Variants in SV2C observed in about 807,000 individuals in gnomAD.
The protein encoded by SV2C is solute carrier family 22 member B3.
SV2C carries 49 observed loss-of-function variants against 79.7 expected under a neutral mutation model. The ratio of observed to expected loss-of-function variants is 0.61; its 90% CI spans 0.49 to 0.78. SV2C has a LOEUF of 0.78. SV2C is among the 30% of genes least tolerant of loss of function. The probability of loss-of-function intolerance (pLI) is 0.00; values close to 1 mark genes in which losing one functional copy is unlikely to be tolerated. For missense variants in SV2C, 833 were observed against 912.9 expected, an observed-to-expected ratio of 0.91 and a Z score of 1.13; for synonymous variants, 334 against 333.2, an observed-to-expected ratio of 1.00 and a Z score of -0.03.
At chr5:75,895,664 C>G in the SV2C span, among the ~76,000 whole-genome samples, 1 of 151,982 alleles carries the variant, frequency 6.6e-6, no homozygotes, top group African/African-American at 2.4e-5. Context: ...ATTCATGGGC[C>G]TGGGCTGTGT....
At chr5:76,100,319 T>C (rs1340841630) in intron 1 of SV2C, among the ~76,000 whole-genome samples, 1 of 152,218 alleles carries the variant, frequency 6.6e-6, no homozygotes, top group Non-Finnish European at 1.5e-5. Flanking sequence ...AATTAAATTA[T>C]ACATTTAATT....
the SV2C span, among the ~76,000 whole-genome samples, chr5:75,873,705 CAACTAGAAATGATGAAGTA>C: frequency 6.6e-6 from 1 of 151,880 alleles, no homozygotes; most frequent in East Asian, 1.9e-4. Flanking sequence ...TGTTTTTGTG[CAACTAGAAATGATGAAGTA>C]AATGTTACCA....
At chr5:75,858,982 T>C in the SV2C span, among the ~76,000 whole-genome samples, 1 of 152,030 alleles carries the variant, frequency 6.6e-6, no homozygotes, top group African/African-American at 2.4e-5. Flanking sequence ...TTTTCTCTCT[T>C]TTTTTTTCAG....
rs117753003 is a variant in SV2C, at chr5:76,118,416, A to T, written c.-101-13234A>T. 1.7e-3 allele frequency among the ~76,000 whole-genome samples: 258 copies of T among 152,312 alleles called. 7 individuals carry two copies. The East Asian group carries it at 0.048, about 28-fold the overall frequency. On this transcript the variant is annotated intron_variant, in intron 1 of 12. Coordinates refer to ENST00000502798, the MANE Select transcript of SV2C (RefSeq NM_014979.4). Reference sequence around the variant, plus strand: ...GTCACATTCACAGGTTCTGGAGGTTAGGGTATCCTTCTGGAGGTCACTGTT... The same window carrying T: ...GTCACATTCACAGGTTCTGGAGGTTTGGGTATCCTTCTGGAGGTCACTGTT...
At chr5:76,213,270 T>C (rs1442439250) in intron 4 of SV2C, among the ~76,000 whole-genome samples, 5 of 152,268 alleles carry the variant, frequency 3.3e-5, no homozygotes, top group African/African-American at 1.2e-4. Flanking sequence ...ATTGTTGTAC[T>C]CTTGCAATTT....
In SV2C at chr5:76,298,810, T is replaced by C; in HGVS notation, c.1519T>C (p.Phe507Leu). 6.2e-7 allele frequency: 1 copy of C among 1,613,896 alleles called. No individual in the cohort carries two copies. Among genetic ancestry groups the C allele is most frequent in the Non-Finnish European group, 8.5e-7 (1 of 1,179,814 alleles). Residue 507 changes from phenylalanine to leucine, a missense_variant, in exon 10 of 13, where the codon TTC (phenylalanine) becomes CTC (leucine). Physicochemically the swap from Phe to Leu is conservative, Grantham distance 22. Coordinates refer to ENST00000502798, the MANE Select transcript of SV2C (RefSeq NM_014979.4). ...YDNGRFIGVK[F>L]KSVTFKDSVF... ...GTTGGGCAGATTCATAGGGGTCAAGTTCAAATCTGTAACTTTCAAAGACTC... is the reference window on the plus strand; with the variant it reads ...GTTGGGCAGATTCATAGGGGTCAAGCTCAAATCTGTAACTTTCAAAGACTC...
At chr5:76,350,033 T>A (rs1303367664) in intron 12 of SV2C, among the ~76,000 whole-genome samples, 1 of 152,336 alleles carries the variant, frequency 6.6e-6, no homozygotes, top group East Asian at 1.9e-4. Flanking sequence ...GATGTTCAGA[T>A]GCTAGGTTCT....
At chr5:75,970,484 A>G in the SV2C span, among the ~76,000 whole-genome samples, 1 of 152,080 alleles carries the variant, frequency 6.6e-6, no homozygotes, top group African/African-American at 2.4e-5. Context: ...AAAAATGACA[A>G]AGGGGATATC....
the SV2C span, among the ~76,000 whole-genome samples, chr5:76,030,266 GTTTTTTTTTT>G: frequency 3.1e-5 from 1 of 31,958 alleles, no homozygotes; most frequent in Non-Finnish European, 5.7e-5. Context: ...TCAGAGGCTT[GTTTTTTTTTT>G]TTTTTTTTTT....
At chr5:76,305,404 A>G (rs115919105) in intron 12 of SV2C, among the ~76,000 whole-genome samples, 398 of 152,302 alleles carry the variant, frequency 2.6e-3, no homozygotes, top group African/African-American at 8.2e-3. Context: ...ATCATTTTGT[A>G]TTCCTCCACC....
chr5:75,948,374 T>C, the SV2C span, among the ~76,000 whole-genome samples: 455 of 152,210 alleles, frequency 3.0e-3, 8 homozygotes, highest in East Asian at 0.029. Flanking sequence ...AAATAATTAT[T>C]GAGTACTCCC....
the SV2C span, among the ~76,000 whole-genome samples, chr5:75,965,252 G>A: frequency 6.6e-6 from 1 of 152,106 alleles, no homozygotes; most frequent in African/African-American, 2.4e-5. Flanking sequence ...CAAGCCACTA[G>A]GATCTCACAA....
rs1748975532 is a variant in SV2C, at chr5:76,325,727, T to C, written c.*180T>C. ...TTGCCCCTTTGTGATTTTGCACAGG[T>C]TGTTTGTTTGTTTTGTTTTGTTTGA... On this transcript the variant is annotated 3_prime_UTR_variant, in exon 13 of 13. Transcript: ENST00000502798. 2 of 829,706 alleles carry C rather than the reference T, an allele frequency of 2.4e-6. No homozygotes were observed. The highest frequency in any genetic ancestry group is 3.3e-5 in the Admixed American group (1 of 30,086). 51.4% of individuals were successfully genotyped at this position (829,706 alleles called of 1,614,324 possible). A position where few individuals can be genotyped will look rare whatever the true frequency, so the allele number is the denominator to read the frequency against.
downstream of SV2C, among the ~76,000 whole-genome samples, chr5:76,336,077 G>T (rs530805712): frequency 3.4e-4 from 23 of 67,102 alleles, no homozygotes; most frequent in East Asian, 4.4e-3. Context: ...CCTCCCGGAC[G>T]GGGCGGCTGG....
At chr5:75,975,113 A>G in the SV2C span, among the ~76,000 whole-genome samples, 2 of 152,118 alleles carry the variant, frequency 1.3e-5, no homozygotes, top group Non-Finnish European at 2.9e-5. Flanking sequence ...GCGACATCTG[A>G]CCTTGACATA....
At chr5:75,876,945 T>G in the SV2C span, among the ~76,000 whole-genome samples, 525 of 152,214 alleles carry the variant, frequency 3.4e-3, 1 homozygote, top group African/African-American at 0.012. Context: ...CATAAATCTA[T>G]ATCAATAACA....
chr5:75,971,272 T>C, the SV2C span, among the ~76,000 whole-genome samples: 98,254 of 151,642 alleles, frequency 0.65, 33,199 homozygotes, highest in African/African-American at 0.78. Flanking sequence ...CACAAGACAG[T>C]GATGCCCTCT....
At chr5:75,925,545 G>A in the SV2C span, among the ~76,000 whole-genome samples, 1 of 152,082 alleles carries the variant, frequency 6.6e-6, no homozygotes, top group Non-Finnish European at 1.5e-5. Context: ...GAGTGCTGGA[G>A]GGTGGCCCTT....
At chr5:76,086,244 G>GCAT (rs1365701049) in intron 1 of SV2C, among the ~76,000 whole-genome samples, 2 of 152,232 alleles carry the variant, frequency 1.3e-5, no homozygotes, top group East Asian at 1.9e-4. Context: ...TACGGCAAAG[G>GCAT]CATCATAATG....
Sources: gnomAD v4.1 joint callset for allele counts (sites outside exome capture counted in the v4.1 genomes callset) on GRCh38, gnomAD v4.1.1 for gene constraint, MANE v1.5 for transcripts, NCBI Gene and HGNC (gene_info 2026-07-23, HGNC 2026-07-21) for gene names.